The following SNX6 variants were observed in gnomAD, a reference collection of about 807,000 sequenced individuals.
SNX6 encodes sorting nexin 6.
SNX6 carries 34 observed loss-of-function variants against 63.0 expected under a neutral mutation model. The ratio of observed to expected loss-of-function variants is 0.54; its 90% CI spans 0.41 to 0.72. The LOEUF (loss-of-function observed/expected upper bound fraction) is 0.72, where lower values mean the gene tolerates loss of function less well. SNX6 is among the 30% of genes least tolerant of loss of function. The probability of loss-of-function intolerance (pLI) is 0.00; values close to 1 mark genes in which losing one functional copy is unlikely to be tolerated. For missense variants in SNX6, 398 were observed against 471.4 expected, an observed-to-expected ratio of 0.84 and a Z score of 1.44; for synonymous variants, 170 against 164.2, an observed-to-expected ratio of 1.04 and a Z score of -0.27.
intron 13 of SNX6, among the ~76,000 whole-genome samples, chr14:34,566,981 G>C (rs948455731): frequency 6.6e-6 from 1 of 152,022 alleles, no homozygotes; most frequent in African/African-American, 2.4e-5. Flanking sequence ...TCAGCACTAC[G>C]GGAGGCCGAG....
intron 10 of SNX6, 38 bp downstream of exon 10, chr14:34,581,523 C>G (rs746158683): frequency 1.7e-6 from 2 of 1,152,844 alleles, no homozygotes; most frequent in South Asian, 3.2e-5. Context: ...TCTCTGGGCA[C>G]AATATTATGC....
intron 5 of SNX6, chr14:34,604,283 A>G (rs1289787534): frequency 3.2e-6 from 4 of 1,256,380 alleles, no homozygotes; most frequent in Non-Finnish European, 4.1e-6. Flanking sequence ...CCAGACCACA[A>G]AAGAATCATG....
chr14:34,627,344 G>T (rs754622128), intron 2 of SNX6, among the ~76,000 whole-genome samples: 1 of 152,202 alleles, frequency 6.6e-6, no homozygotes, highest in African/African-American at 2.4e-5. Flanking sequence ...CTACTCAGGA[G>T]GCTGAGGCAG....
At chr14:34,573,701 C>A (rs972042210) in intron 11 of SNX6, among the ~76,000 whole-genome samples, 1 of 151,762 alleles carries the variant, frequency 6.6e-6, no homozygotes, top group Non-Finnish European at 1.5e-5. Flanking sequence ...TGCAATGGCG[C>A]GGTCTCGGCT....
At chr14:34,568,634 G>GTT (rs376954552) in intron 11 of SNX6, 8,766 of 618,462 alleles carry the variant, frequency 0.014, 126 homozygotes, top group African/African-American at 0.076. Context: ...CACTCAGCCT[G>GTT]TTTTTTTTTT....
chr14:34,616,854 C>G (rs572760149), intron 2 of SNX6, among the ~76,000 whole-genome samples: 116 of 151,954 alleles, frequency 7.6e-4, no homozygotes, highest in Admixed American at 3.4e-3. Context: ...GGGAGGATCA[C>G]AAAGTCAGGA....
At chr14:34,609,888 T>C (rs1037698265) in intron 2 of SNX6, 146 bp from the exon 3 acceptor site, 13 of 578,118 alleles carry the variant, frequency 2.2e-5, no homozygotes, top group Non-Finnish European at 4.0e-5. Context: ...ATACATACTA[T>C]ATACATTTTG....
intron 2 of SNX6, among the ~76,000 whole-genome samples, chr14:34,625,341 A>C (rs1231566230): frequency 6.6e-6 from 1 of 152,228 alleles, no homozygotes; most frequent in African/African-American, 2.4e-5. Flanking sequence ...AACAGGCCAG[A>C]TATTTCTATT....
intron 8 of SNX6, among the ~76,000 whole-genome samples, chr14:34,591,404 TATC>T (rs1882388098): frequency 6.6e-6 from 1 of 152,126 alleles, no homozygotes; most frequent in South Asian, 2.1e-4. Context: ...CATTCACTAG[TATC>T]ATCATCAATC....
chr14:34,574,795 T>TG (rs1353051308), intron 11 of SNX6, among the ~76,000 whole-genome samples: 2 of 152,002 alleles, frequency 1.3e-5, no homozygotes, highest in Non-Finnish European at 2.9e-5. Flanking sequence ...CAAACTCAGG[T>TG]GATCCACCCG....
chr14:34,604,428 G>C (rs545411667), intron 5 of SNX6, among the ~76,000 whole-genome samples: 1 of 152,142 alleles, frequency 6.6e-6, no homozygotes, highest in Non-Finnish European at 1.5e-5. Flanking sequence ...CTGCTTTGCT[G>C]ATTTATCTTT....
intron 2 of SNX6, among the ~76,000 whole-genome samples, chr14:34,613,792 A>AAAAAAC (rs887323998): frequency 2.0e-5 from 3 of 150,110 alleles, no homozygotes; most frequent in African/African-American, 4.9e-5. Context: ...CTCCATCTCA[A>AAAAAAC]AAAAACAAAA....
chr14:34,605,841 A>T (rs1566485303), intron 4 of SNX6, 124 bp from the exon 5 acceptor site: 8 of 1,206,134 alleles, frequency 6.6e-6, no homozygotes, highest in Non-Finnish European at 9.0e-6. Context: ...GAACACCAGG[A>T]ACACCCAAAT....
At chr14:34,567,607 A>G (rs1881244350) in intron 13 of SNX6, 79 bp downstream of exon 13, 2 of 1,097,166 alleles carry the variant, frequency 1.8e-6, no homozygotes, top group African/African-American at 1.6e-5. Flanking sequence ...AACTGACATT[A>G]AAGAATTATC....
chr14:34,581,633 A>C, intron 9 of SNX6, 33 bp from the exon 10 acceptor site: 1 of 1,306,412 alleles, frequency 7.7e-7, no homozygotes, highest in Admixed American at 1.8e-5. Flanking sequence ...CATATTCTAC[A>C]TTCAAAGTAA....
chr14:34,582,091 T>C (rs950865471), intron 9 of SNX6, among the ~76,000 whole-genome samples: 10 of 151,494 alleles, frequency 6.6e-5, no homozygotes, highest in Non-Finnish European at 1.5e-4. Flanking sequence ...CCTCCCAAAG[T>C]GCTGGGATTA....
In SNX6 at chr14:34,593,085, A is replaced by C; in HGVS notation, c.678T>G (p.Asp226Glu). Residue 226 changes from aspartate (D) to glutamate (E), a missense_variant, in exon 8 of 14, where the codon GAT (aspartate) becomes GAG (glutamate). Coordinates refer to ENST00000362031, the MANE Select transcript of SNX6 (RefSeq NM_152233.4). Reference protein sequence around the residue: ...FLLEYHNRVKDASAKSDRMTR... With the variant: ...FLLEYHNRVKEASAKSDRMTR... ...TCATTCTATCAGATTTAGCAGATGC[A>C]TCCTTAACTCGGTTATGATACTCCA... The C allele has an allele frequency of 6.2e-7, 1 of 1,609,756 alleles. No homozygotes were observed. The highest frequency in any genetic ancestry group is 8.5e-7 in the Non-Finnish European group (1 of 1,178,750).
At chr14:34,629,061 G>C (rs184095186) in intron 2 of SNX6, among the ~76,000 whole-genome samples, 3 of 151,882 alleles carry the variant, frequency 2.0e-5, no homozygotes, top group African/African-American at 7.3e-5. Flanking sequence ...GTGTGTATGT[G>C]GGGGGTGAGT....
chr14:34,597,755 A>G, intron 6 of SNX6, 110 bp from the exon 7 acceptor site: 1 of 626,880 alleles, frequency 1.6e-6, no homozygotes, highest in Non-Finnish European at 2.7e-6. Context: ...TTTTAATCTT[A>G]ATAAAGTGGA....
Sources: gnomAD v4.1 joint callset for allele counts (sites outside exome capture counted in the v4.1 genomes callset) on GRCh38, gnomAD v4.1.1 for gene constraint, MANE v1.5 for transcripts, NCBI Gene and HGNC (gene_info 2026-07-23, HGNC 2026-07-21) for gene names.